PTDSS1: variants seen among roughly 807,000 people sequenced by gnomAD.
PTDSS1 encodes the protein phosphatidylserine synthase 1.
A neutral mutation model predicts 70.5 loss-of-function variants in PTDSS1; 45 were observed. The ratio of observed to expected loss-of-function variants is 0.64; its 90% CI spans 0.50 to 0.82. PTDSS1 has a LOEUF of 0.82. PTDSS1 is among the 40% of genes least tolerant of loss of function. The pLI is 0.00. For missense variants in PTDSS1, 417 were observed against 586.1 expected (o/e 0.71, Z 2.98); for synonymous variants, 188 against 203.8 (o/e 0.92, Z 0.66).
intron 12 of PTDSS1, among the ~76,000 whole-genome samples, chr8:96,331,378 A>T (rs1482944249): frequency 6.6e-6 from 1 of 151,914 alleles, no homozygotes; most frequent in Non-Finnish European, 1.5e-5. Context: ...AAAATACAGA[A>T]ATTAGCCAGG....
chr8:96,289,842 C>A (rs1810876819), intron 4 of PTDSS1, among the ~76,000 whole-genome samples: 2 of 151,784 alleles, frequency 1.3e-5, no homozygotes, highest in African/African-American at 4.9e-5. Flanking sequence ...AATAAGAATG[C>A]CAGAAATTAT....
Position 96,308,100 on chromosome 8 carries a change from C to G in PTDSS1, c.1008-1457C>G, listed in dbSNP as rs1181930057. Among the ~76,000 whole-genome samples the G allele has an allele frequency of 4.6e-5, 7 of 152,106 alleles. No individual in the cohort carries two copies. The South Asian group carries it at 1.5e-3, about 32-fold the overall frequency. On this transcript the variant is annotated intron_variant, in intron 8 of 12. Coordinates refer to ENST00000517309, the MANE Select transcript of PTDSS1 (RefSeq NM_014754.3). ...CACCCCATTTAGCAAATGTTAGGTC[C>G]CGAGAGGAGAGAGAGTTTAGAGGCT...
chr8:96,283,109 G>T (rs1367652452), intron 2 of PTDSS1, among the ~76,000 whole-genome samples: 1 of 152,222 alleles, frequency 6.6e-6, no homozygotes, highest in African/African-American at 2.4e-5. Context: ...CAGGGCTAGA[G>T]AAACAGAGAG....
intron 4 of PTDSS1, among the ~76,000 whole-genome samples, chr8:96,294,472 A>G (rs1810947877): frequency 6.6e-6 from 1 of 152,230 alleles, no homozygotes; most frequent in Admixed American, 6.5e-5. Flanking sequence ...AAATGGAACC[A>G]ACATTCTGAA....
chr8:96,296,995 G>A lies in PTDSS1; in HGVS notation c.600+1739G>A, dbSNP rs186533441. The stretch of plus-strand genomic sequence containing the variant: ...TGGTCACCAGGCCCTATAGAGTTCT[G>A]TAGAGTCTTCTAAGCACCCAGTCGT... On this transcript the variant is annotated intron_variant, in intron 5 of 12. Transcript: ENST00000517309. 7.2e-5 allele frequency among the ~76,000 whole-genome samples: 11 copies of A among 152,256 alleles called. No homozygotes were observed. In the East Asian group the frequency reaches 1.9e-3, roughly 27 times the overall value.
At chr8:96,278,974 T>TCCCC (rs1563564120) in intron 2 of PTDSS1, among the ~76,000 whole-genome samples, 1 of 128,852 alleles carries the variant, frequency 7.8e-6, no homozygotes, top group African/African-American at 3.9e-5. Flanking sequence ...CAGCCCCCCT[T>TCCCC]TTTTTTTTTT....
Position 96,334,133 on chromosome 8 carries a change from T to A in PTDSS1, c.*567T>A, listed in dbSNP as rs1234840177. 1 of 279,038 alleles carries A rather than the reference T, an allele frequency of 3.6e-6. No individual in the cohort carries two copies. Among genetic ancestry groups the A allele is most frequent in the East Asian group, 7.0e-5 (1 of 14,336 alleles). 17.3% of individuals were successfully genotyped at this position (279,038 alleles called of 1,614,324 possible). On this transcript the variant is annotated 3_prime_UTR_variant, in exon 13 of 13. Transcript: ENST00000517309. Reference sequence around the variant, plus strand: ...ATACTGGGGGAAGGGTTCCCCTTCCTTCTAGAGCAGAAAAGGGAGAGAGGT... The same window carrying A: ...ATACTGGGGGAAGGGTTCCCCTTCCATCTAGAGCAGAAAAGGGAGAGAGGT...
rs199635901 is a variant in PTDSS1, at chr8:96,295,845, C to T, written c.600+589C>T. On this transcript the variant is annotated intron_variant, in intron 5 of 12. Coordinates refer to ENST00000517309, the MANE Select transcript of PTDSS1 (RefSeq NM_014754.3). ...CCAGTGAACAGAATTCGTCCACATG[C>T]GCAGTATACTTCTCCATGCTCATCA... Among the ~76,000 whole-genome samples, 14 of 152,292 alleles carry T rather than the reference C, an allele frequency of 9.2e-5. No individual in the cohort carries two copies. The South Asian group carries it at 1.4e-3, about 16-fold the overall frequency.
In PTDSS1 at chr8:96,320,143, G is replaced by A. The variant is rs538591223; in HGVS notation, c.1074-103G>A. ...GCTACCAGTGTTTGAGGCAGAAATCGCATGATGAGTTGAACTTTTTCATTC... is the reference window on the plus strand; with the variant it reads ...GCTACCAGTGTTTGAGGCAGAAATCACATGATGAGTTGAACTTTTTCATTC... On this transcript the variant is annotated intron_variant, in intron 9 of 12. Transcript: ENST00000517309. The A allele has an allele frequency of 8.3e-5, 82 of 987,242 alleles. No individual in the cohort carries two copies. In the East Asian group the frequency reaches 1.1e-3, roughly 13 times the overall value. 61.2% of individuals were successfully genotyped at this position (987,242 alleles called of 1,614,324 possible).
At chr8:96,324,172 C>A (rs1811408148) in intron 10 of PTDSS1, among the ~76,000 whole-genome samples, 1 of 152,202 alleles carries the variant, frequency 6.6e-6, no homozygotes, top group Non-Finnish European at 1.5e-5. Context: ...CTTGACTGTT[C>A]ATATTGCTAC....
At chr8:96,299,600 C>G in intron 5 of PTDSS1, 94 bp from the exon 6 acceptor site, 1 of 1,297,706 alleles carries the variant, frequency 7.7e-7, no homozygotes, top group Non-Finnish European at 1.0e-6. Context: ...ACAACTTCTT[C>G]TAAAATAATG....
intron 4 of PTDSS1, among the ~76,000 whole-genome samples, chr8:96,289,805 T>C (rs985210867): frequency 6.6e-6 from 1 of 152,172 alleles, no homozygotes; most frequent in Non-Finnish European, 1.5e-5. Flanking sequence ...TATCTATAAA[T>C]TTTTTAAGGG....
At chr8:96,293,458 T>A (rs1175282531) in intron 4 of PTDSS1, among the ~76,000 whole-genome samples, 1 of 151,848 alleles carries the variant, frequency 6.6e-6, no homozygotes, top group East Asian at 1.9e-4. Context: ...CTTGACCCCC[T>A]TTCCAGGCTT....
At chr8:96,330,146 C>A in intron 10 of PTDSS1, 67 bp from the exon 11 acceptor site, 1 of 1,437,972 alleles carries the variant, frequency 7.0e-7, no homozygotes, top group Non-Finnish European at 9.8e-7. Flanking sequence ...CATTGATTCC[C>A]ACTGAAACCC....
chr8:96,296,190 G>A (rs920377711), intron 5 of PTDSS1, among the ~76,000 whole-genome samples: 18 of 138,660 alleles, frequency 1.3e-4, no homozygotes, highest in African/African-American at 4.8e-4. Context: ...CCAGGCTGGA[G>A]TGCAGTGGCA....
chr8:96,317,909 G>GTGTGTATA lies in PTDSS1; in HGVS notation c.1074-2332_1074-2331insATATGTGT, dbSNP rs1554585830. ...TGTGTGTGTGTGTGTGTGTGTGTGT[G>GTGTGTATA]TGTGTGTGTGTACACGCATGCGTAT... On this transcript the variant is annotated intron_variant, in intron 9 of 12. Coordinates refer to ENST00000517309, the MANE Select transcript of PTDSS1 (RefSeq NM_014754.3). Among the ~76,000 whole-genome samples the GTGTGTATA allele has an allele frequency of 6.8e-4, 79 of 117,004 alleles. 1 individual carries two copies. The highest frequency in any genetic ancestry group is 2.4e-3 in the Admixed American group (30 of 12,322). 76.8% of individuals were successfully genotyped at this position (117,004 alleles called of 152,430 possible). A position where few individuals can be genotyped will look rare whatever the true frequency, so the allele number is the denominator to read the frequency against.
At chr8:96,268,431 G>C (rs1188915034) in intron 1 of PTDSS1, among the ~76,000 whole-genome samples, 1 of 152,078 alleles carries the variant, frequency 6.6e-6, no homozygotes, top group Non-Finnish European at 1.5e-5. Flanking sequence ...AATTAACCTA[G>C]AAGCCTTAGG....
At chr8:96,300,868 C>T (rs1239738987) in intron 6 of PTDSS1, among the ~76,000 whole-genome samples, 1 of 151,660 alleles carries the variant, frequency 6.6e-6, no homozygotes, top group East Asian at 1.9e-4. Flanking sequence ...TGTGCATCGC[C>T]TTTTTTTTGG....
intron 2 of PTDSS1, among the ~76,000 whole-genome samples, chr8:96,282,624 G>A (rs996249657): frequency 2.0e-5 from 3 of 152,134 alleles, no homozygotes; most frequent in Non-Finnish European, 4.4e-5. Context: ...TTTGAATGGT[G>A]GGGGGTACTT....
Sources: gnomAD v4.1 joint callset for allele counts (sites outside exome capture counted in the v4.1 genomes callset) on GRCh38, gnomAD v4.1.1 for gene constraint, MANE v1.5 for transcripts, NCBI Gene and HGNC (gene_info 2026-07-23, HGNC 2026-07-21) for gene names.